The following KIRREL3 variants were observed in gnomAD, a reference collection of about 807,000 sequenced individuals.
KIRREL3 encodes kirre like nephrin family adhesion molecule 3.
KIRREL3 carries 36 observed loss-of-function variants against 89.7 expected under a neutral mutation model. That is an observed-to-expected ratio of 0.40 (90% CI 0.31 to 0.53). The LOEUF (loss-of-function observed/expected upper bound fraction) is 0.53. KIRREL3 is among the 20% of genes least tolerant of loss of function. KIRREL3 has a pLI of 0.49. For synonymous variants in KIRREL3, 445 were observed against 441.4 expected (o/e 1.01, Z -0.10); for missense variants, 864 against 1,056.6 (o/e 0.82, Z 2.53).
chr11:126,570,822 A>G lies in KIRREL3; in HGVS notation c.56-7910T>C, dbSNP rs927885261. Among the ~76,000 whole-genome samples, 2 of 152,222 alleles carry G rather than the reference A, an allele frequency of 1.3e-5. No individual in the cohort carries two copies. Among genetic ancestry groups the G allele is most frequent in the African/African-American group, 2.4e-5 (1 of 41,454 alleles). On this transcript the variant is annotated intron_variant, in intron 1 of 16. Coordinates refer to ENST00000525144, the MANE Select transcript of KIRREL3 (RefSeq NM_032531.4). The surrounding 1 kb of genome is among the most constrained non-coding windows in gnomAD (Gnocchi z 6.1). ...AGGAAATCTACATGCCCATGTGGTC[A>G]TCTATCCTTCGGCTTCTCCAAATCT...
rs2072754439 is a variant in KIRREL3 at position 126,997,911 on chromosome 11, T to C, written c.55+2544A>G. On this transcript the variant is annotated intron_variant, in intron 1 of 16. Transcript: ENST00000525144. This position sits in a 1 kb window ranked among gnomAD's most constrained non-coding sequence, Gnocchi z 4.3. ...TTTGTTGTCTCTGAGGGAAAGGCCA[T>C]CCCCTGGGTCTCTTCACATTTCCTG... Among the ~76,000 whole-genome samples the C allele has an allele frequency of 6.6e-6, 1 of 151,946 alleles. No individual in the cohort carries two copies. The highest frequency in any genetic ancestry group is 2.1e-4 in the South Asian group (1 of 4,808).
At position 126,954,660 on chromosome 11, in the gene KIRREL3, G is replaced by C. The variant is rs1948872186; in HGVS notation, c.55+45795C>G. 6.6e-6 allele frequency among the ~76,000 whole-genome samples: 1 copy of C among 151,974 alleles called. No individual in the cohort carries two copies. On this transcript the variant is annotated intron_variant, in intron 1 of 16. Transcript: ENST00000525144. The surrounding 1 kb of genome is among the most constrained non-coding windows in gnomAD (Gnocchi z 4.1). ...ATTCACAACACTATATTTCAACCTAGGAAGCACCCTTAGAGGTCATCTAGT... is the reference window on the plus strand; with the variant it reads ...ATTCACAACACTATATTTCAACCTACGAAGCACCCTTAGAGGTCATCTAGT...
At chr11:126,469,423 C>A (rs988463303) in intron 5 of KIRREL3, among the ~76,000 whole-genome samples, 2 of 151,856 alleles carry the variant, frequency 1.3e-5, no homozygotes, top group African/African-American at 4.8e-5. Context: ...TGGCCTATGG[C>A]AGGGCTCCTT....
At chr11:126,982,429 A>G (rs1391142981) in intron 1 of KIRREL3, among the ~76,000 whole-genome samples, 2 of 152,194 alleles carry the variant, frequency 1.3e-5, no homozygotes, top group African/African-American at 2.4e-5. Flanking sequence ...GGAGGGGACT[A>G]AGTTCCCTAA....
In KIRREL3 at chr11:126,541,947, A is replaced by G. The variant is rs1938401512; in HGVS notation, c.134-15260T>C. ...GAAGTCTCACAGGGAATCCCAGTGTATAAAACGGTGGAGGCAGAGCTGAGG... is the reference window on the plus strand; with the variant it reads ...GAAGTCTCACAGGGAATCCCAGTGTGTAAAACGGTGGAGGCAGAGCTGAGG... On this transcript the variant is annotated intron_variant, in intron 2 of 16. Coordinates refer to ENST00000525144, the MANE Select transcript of KIRREL3 (RefSeq NM_032531.4). This position sits in a 1 kb window ranked among gnomAD's most constrained non-coding sequence, Gnocchi z 4.8. Among the ~76,000 whole-genome samples, 1 of 152,220 alleles carries G rather than the reference A, an allele frequency of 6.6e-6. No homozygotes were observed. The highest frequency in any genetic ancestry group is 1.5e-5 in the Non-Finnish European group (1 of 68,028).
intron 7 of KIRREL3, among the ~76,000 whole-genome samples, chr11:126,452,446 G>A (rs915987705): frequency 2.0e-5 from 3 of 152,234 alleles, no homozygotes; most frequent in African/African-American, 4.8e-5. Context: ...GAGGCCAAGC[G>A]GGCAGCTGGC....
intron 1 of KIRREL3, among the ~76,000 whole-genome samples, chr11:126,822,735 A>G (rs10750344): frequency 0.86 from 131,395 of 152,164 alleles, 57,083 homozygotes; most frequent in East Asian, 1. Context: ...AGGAGGGAGG[A>G]TGAGGAAGCT....
At chr11:126,625,798 T>C (rs1296249240) in intron 1 of KIRREL3, among the ~76,000 whole-genome samples, 3 of 152,140 alleles carry the variant, frequency 2.0e-5, no homozygotes, top group African/African-American at 4.8e-5. Context: ...TACTATCCCA[T>C]CCCAGGAAAC....
chr11:126,631,593 G>A (rs1240542060), intron 1 of KIRREL3, among the ~76,000 whole-genome samples: 1 of 152,200 alleles, frequency 6.6e-6, no homozygotes, highest in African/African-American at 2.4e-5. Context: ...TGGGGGTGGT[G>A]CAGGCAAGAC....
In KIRREL3 at chr11:126,666,182, G is replaced by A. The variant is rs1211459638; in HGVS notation, c.56-103270C>T. 3.3e-5 allele frequency among the ~76,000 whole-genome samples: 5 copies of A among 152,206 alleles called. No individual in the cohort carries two copies. The highest frequency in any genetic ancestry group is 1.9e-4 in the East Asian group (1 of 5,192). On this transcript the variant is annotated intron_variant, in intron 1 of 16. Coordinates refer to ENST00000525144, the MANE Select transcript of KIRREL3 (RefSeq NM_032531.4). The surrounding 1 kb of genome is among the most constrained non-coding windows in gnomAD (Gnocchi z 4.2). ...ATAAGTGCAGCAGGATCTTGGTTCC[G>A]CAGGAAGAGTGTGGATTCTTGGAAT...
At chr11:126,865,550 G>T (rs551992178) in intron 1 of KIRREL3, among the ~76,000 whole-genome samples, 1 of 152,356 alleles carries the variant, frequency 6.6e-6, no homozygotes, top group South Asian at 2.1e-4. Flanking sequence ...GCTCAGGTGG[G>T]CAAGTCCCTC....
rs1490072119 is a variant in KIRREL3 at position 126,489,258 on chromosome 11, A to G, written c.434-15792T>C. 6.6e-6 allele frequency among the ~76,000 whole-genome samples: 1 copy of G among 151,982 alleles called. No homozygotes were observed. The highest frequency in any genetic ancestry group is 6.6e-5 in the Admixed American group (1 of 15,258). On this transcript the variant is annotated intron_variant, in intron 4 of 16. Transcript: ENST00000525144. The surrounding 1 kb of genome is among the most constrained non-coding windows in gnomAD (Gnocchi z 5.5). ...GTGCCTGGCTCGATGGGAGCTTCCT[A>G]AGGGAAGCAGCCCTGTCATGTTCCT... is the stretch of plus-strand genomic sequence containing the variant.
Position 126,429,149 on chromosome 11 carries a change from G to T in KIRREL3, c.1806+30C>A. Reference sequence around the variant, plus strand: ...AGGACCTTCTGGGAATGGAGTCACGGGATGGGATGGGGCGTAATTGCATTC... The same window carrying T: ...AGGACCTTCTGGGAATGGAGTCACGTGATGGGATGGGGCGTAATTGCATTC... On this transcript the variant is annotated intron_variant, in intron 15 of 16. Coordinates refer to ENST00000525144, the MANE Select transcript of KIRREL3 (RefSeq NM_032531.4). The surrounding 1 kb of genome is among the most constrained non-coding windows in gnomAD (Gnocchi z 5.2). 7.1e-7 allele frequency: 1 copy of T among 1,405,028 alleles called. No homozygotes were observed. The highest frequency in any genetic ancestry group is 1.0e-6 in the Non-Finnish European group (1 of 992,482). 87.0% of individuals were successfully genotyped at this position (1,405,028 alleles called of 1,614,324 possible). A position where few individuals can be genotyped will look rare whatever the true frequency, so the allele number is the denominator to read the frequency against.
At chr11:126,884,625 G>A (rs1945632225) in intron 1 of KIRREL3, among the ~76,000 whole-genome samples, 1 of 152,178 alleles carries the variant, frequency 6.6e-6, no homozygotes, top group Non-Finnish European at 1.5e-5. Flanking sequence ...GCACGCCACG[G>A]GGTAAAATAG....
intron 12 of KIRREL3, among the ~76,000 whole-genome samples, chr11:126,436,515 C>T (rs546848911): frequency 6.6e-6 from 1 of 152,262 alleles, no homozygotes; most frequent in East Asian, 1.9e-4. Flanking sequence ...GTCACTGCCA[C>T]CAGCCTGCTC....
intron 1 of KIRREL3, among the ~76,000 whole-genome samples, chr11:126,826,794 C>T (rs1943432068): frequency 1.3e-5 from 2 of 152,196 alleles, no homozygotes; most frequent in African/African-American, 4.8e-5. Flanking sequence ...AATGTTTAGA[C>T]TGGCAACAAA....
At chr11:126,910,834 A>G (rs1946787210) in intron 1 of KIRREL3, among the ~76,000 whole-genome samples, 1 of 152,244 alleles carries the variant, frequency 6.6e-6, no homozygotes, top group Admixed American at 6.5e-5. Context: ...AACATCTCTG[A>G]TGGCAGGGAC....
At chr11:126,799,461 C>T (rs1483231906) in intron 1 of KIRREL3, among the ~76,000 whole-genome samples, 97 of 148,048 alleles carry the variant, frequency 6.6e-4, no homozygotes, top group African/African-American at 2.3e-3. Flanking sequence ...TCTCTGTGTG[C>T]ATGTGTGTAT....
rs188003385 is a variant in KIRREL3, at chr11:126,909,947, C to T, written c.55+90508G>A. ...TGTATTAACTGAAGATGACAGGGAG[C>T]GAGGGATGGAAAGCGGGCAATTTGT... On this transcript the variant is annotated intron_variant, in intron 1 of 16. Transcript: ENST00000525144. This position sits in a 1 kb window ranked among gnomAD's most constrained non-coding sequence, Gnocchi z 4.5. 2.1e-4 allele frequency among the ~76,000 whole-genome samples: 32 copies of T among 152,146 alleles called. No individual in the cohort carries two copies. Among genetic ancestry groups the T allele is most frequent in the Admixed American group, 8.5e-4 (13 of 15,284 alleles).
Sources: gnomAD v4.1 joint callset for allele counts (sites outside exome capture counted in the v4.1 genomes callset) on GRCh38, gnomAD v4.1.1 for gene constraint, Gnocchi (gnomAD v3.1) non-coding constraint, MANE v1.5 for transcripts, NCBI Gene and HGNC (gene_info 2026-07-23, HGNC 2026-07-21) for gene names.